CTNND2: variants seen among roughly 807,000 people sequenced by gnomAD.
CTNND2 encodes the protein catenin delta-2.
A neutral mutation model predicts 144.4 loss-of-function variants in CTNND2; 22 were observed. That is an observed-to-expected ratio of 0.15 (90% CI 0.11 to 0.22). The LOEUF (loss-of-function observed/expected upper bound fraction) is 0.22, where lower values mean the gene tolerates loss of function less well. CTNND2 is among the 10% of genes least tolerant of loss of function. The pLI, the probability that CTNND2 is intolerant of heterozygous loss-of-function variation, is 1.00. For synonymous variants in CTNND2, 751 were observed against 695.6 expected (o/e 1.08, Z -1.25); for missense variants, 1,353 against 1,618.8 (o/e 0.84, Z 2.82).
intron 3 of CTNND2, among the ~76,000 whole-genome samples, chr5:11,534,323 C>G (rs1774021575): frequency 6.6e-6 from 1 of 152,044 alleles, no homozygotes; most frequent in Non-Finnish European, 1.5e-5. Flanking sequence ...GGACAGAAAT[C>G]CTGAGGGTGC....
At chr5:11,323,592 G>A (rs114024324) in intron 9 of CTNND2, among the ~76,000 whole-genome samples, 127 of 152,282 alleles carry the variant, frequency 8.3e-4, no homozygotes, top group African/African-American at 2.9e-3. Flanking sequence ...AGGATCCTGG[G>A]AGCAGAACAG....
chr5:11,769,571 A>G (rs900187706), intron 1 of CTNND2, among the ~76,000 whole-genome samples: 6 of 152,214 alleles, frequency 3.9e-5, no homozygotes, highest in Admixed American at 2.6e-4. Flanking sequence ...ATAATTTTAC[A>G]TAATATCCAT....
intron 9 of CTNND2, among the ~76,000 whole-genome samples, chr5:11,240,397 AC>A: frequency 8.7e-6 from 1 of 115,512 alleles, no homozygotes; most frequent in African/African-American, 3.4e-5. Context: ...CACACACCCA[AC>A]ACACACACCC....
chr5:11,689,005 G>A (rs1204901308), intron 2 of CTNND2, among the ~76,000 whole-genome samples: 2 of 152,174 alleles, frequency 1.3e-5, no homozygotes, highest in South Asian at 2.1e-4. Flanking sequence ...GACTGGGAAC[G>A]AACAGTATCG....
At chr5:11,892,778 G>T (rs1737080889) in intron 1 of CTNND2, among the ~76,000 whole-genome samples, 1 of 152,084 alleles carries the variant, frequency 6.6e-6, no homozygotes, top group Non-Finnish European at 1.5e-5. Flanking sequence ...GGAACAGCAT[G>T]TATATTTAAA....
intron 10 of CTNND2, among the ~76,000 whole-genome samples, chr5:11,234,922 G>A (rs1018454630): frequency 2.6e-5 from 4 of 152,214 alleles, no homozygotes; most frequent in Non-Finnish European, 4.4e-5. Flanking sequence ...GTCTGCATGT[G>A]AGAACCCACT....
At chr5:11,437,463 A>T (rs1357231691) in intron 3 of CTNND2, among the ~76,000 whole-genome samples, 2 of 152,232 alleles carry the variant, frequency 1.3e-5, no homozygotes, top group Non-Finnish European at 2.9e-5. Flanking sequence ...TGACACTATC[A>T]GAAAGAGTGT....
intron 3 of CTNND2, among the ~76,000 whole-genome samples, chr5:11,434,383 A>G (rs1259153565): frequency 6.6e-6 from 1 of 152,232 alleles, no homozygotes; most frequent in Non-Finnish European, 1.5e-5. Flanking sequence ...CTGGGAAGAC[A>G]GCGTAATATT....
chr5:11,271,362 T>C (rs1327314344), intron 9 of CTNND2, among the ~76,000 whole-genome samples: 1 of 152,226 alleles, frequency 6.6e-6, no homozygotes, highest in Non-Finnish European at 1.5e-5. Flanking sequence ...AAGTATTGCA[T>C]ATACAATATT....
chr5:11,890,166 C>G (rs1736848646), intron 1 of CTNND2, among the ~76,000 whole-genome samples: 1 of 152,172 alleles, frequency 6.6e-6, no homozygotes, highest in Non-Finnish European at 1.5e-5. Flanking sequence ...ACTACTTTTT[C>G]TGAGATGCTG....
intron 9 of CTNND2, among the ~76,000 whole-genome samples, chr5:11,283,402 G>A (rs574225792): frequency 1.2e-4 from 19 of 152,142 alleles, no homozygotes; most frequent in Admixed American, 3.3e-4. Flanking sequence ...TCGGCTGGGC[G>A]CAGTGGCTCA....
At chr5:11,046,081 G>C (rs2907091) in intron 16 of CTNND2, among the ~76,000 whole-genome samples, 59,722 of 151,860 alleles carry the variant, frequency 0.39, 12,811 homozygotes, top group East Asian at 0.77. Flanking sequence ...GTTCTGGGTT[G>C]AATTGTTACC....
At chr5:11,013,262 G>A (rs1741275360) in intron 18 of CTNND2, among the ~76,000 whole-genome samples, 1 of 152,048 alleles carries the variant, frequency 6.6e-6, no homozygotes, top group Non-Finnish European at 1.5e-5. Flanking sequence ...TCAAACTTAA[G>A]CATAAAAATA....
At chr5:11,580,683 G>A (rs1308323128) in intron 2 of CTNND2, among the ~76,000 whole-genome samples, 5 of 152,138 alleles carry the variant, frequency 3.3e-5, no homozygotes, top group African/African-American at 4.8e-5. Context: ...AACAAAAGCA[G>A]TTCAAACCCC....
intron 12 of CTNND2, among the ~76,000 whole-genome samples, 185 bp downstream of exon 12, chr5:11,159,391 A>G (rs1482873303): frequency 6.6e-6 from 1 of 152,248 alleles, no homozygotes; most frequent in East Asian, 1.9e-4. Flanking sequence ...AGAGAAAGAT[A>G]CCTATATGTC....
In CTNND2 at chr5:11,026,489, C is replaced by G. The variant is rs139172591; in HGVS notation, c.2789-3510G>C. 1.8e-3 allele frequency among the ~76,000 whole-genome samples: 275 copies of G among 151,370 alleles called. 1 individual carries two copies. Among genetic ancestry groups the G allele is most frequent in the Middle Eastern group, 3.4e-3 (1 of 290 alleles). ...TCTTCTGCCTCAGCCTCCCGAGTAGCTGGGACTACAGGCACATGCCACCAC... is the reference window on the plus strand; with the variant it reads ...TCTTCTGCCTCAGCCTCCCGAGTAGGTGGGACTACAGGCACATGCCACCAC... On this transcript the variant is annotated intron_variant, in intron 16 of 21. Coordinates refer to ENST00000304623, the MANE Select transcript of CTNND2 (RefSeq NM_001332.4).
At chr5:11,825,087 T>A (rs1177585007) in intron 1 of CTNND2, among the ~76,000 whole-genome samples, 2 of 152,092 alleles carry the variant, frequency 1.3e-5, no homozygotes, top group Non-Finnish European at 2.9e-5. Flanking sequence ...ATTTTGCTGT[T>A]CTTCCACAAA....
intron 2 of CTNND2, among the ~76,000 whole-genome samples, chr5:11,664,688 T>C (rs1783457436): frequency 6.6e-6 from 1 of 152,228 alleles, no homozygotes; most frequent in Admixed American, 6.5e-5. Flanking sequence ...AAGTTTCAGA[T>C]GGCCTTCGGG....
Position 11,775,670 on chromosome 5 carries a change from GA to G in CTNND2, c.38-43399del, listed in dbSNP as rs560831847. On this transcript the variant is annotated intron_variant, in intron 1 of 21. Coordinates refer to ENST00000304623, the MANE Select transcript of CTNND2 (RefSeq NM_001332.4). Reference sequence around the variant, plus strand: ...CGTAAGGGTGCTGCTGCTTTCAGAGGAGTCAAAGGAGCGAAGCTCTGGGCCC... The same window carrying G: ...CGTAAGGGTGCTGCTGCTTTCAGAGGGTCAAAGGAGCGAAGCTCTGGGCCC... 2.6e-3 allele frequency among the ~76,000 whole-genome samples: 395 copies of G among 152,336 alleles called. 3 individuals are homozygous for G. The highest frequency in any genetic ancestry group is 8.6e-3 in the African/African-American group (356 of 41,582).
Sources: allele counts gnomAD v4.1 joint callset (sites outside exome capture counted in the v4.1 genomes callset), GRCh38; gene constraint gnomAD v4.1.1; transcripts MANE v1.5; gene names NCBI Gene and HGNC (gene_info 2026-07-23, HGNC 2026-07-21).